EPB41L4A: variants seen among roughly 807,000 people sequenced by gnomAD.
EPB41L4A encodes band 4.1-like protein 4A.
Under a neutral mutation model 108.6 loss-of-function variants are expected in EPB41L4A, and 100 were observed. The observed-to-expected ratio is 0.92, with a 90% CI of 0.78 to 1.09. The LOEUF (loss-of-function observed/expected upper bound fraction) is 1.09. Ranked by LOEUF, EPB41L4A falls within the 50% of genes least tolerant of loss-of-function variation. The pLI, the probability that EPB41L4A is intolerant of heterozygous loss-of-function variation, is 0.00. For missense variants in EPB41L4A, 1,030 were observed against 842.7 expected (o/e 1.22, Z -2.75); for synonymous variants, 319 against 289.0 (o/e 1.10, Z -1.05).
At chr5:112,146,736 T>G (rs1160025728) in intron 12 of EPB41L4A, among the ~76,000 whole-genome samples, 1 of 152,174 alleles carries the variant, frequency 6.6e-6, no homozygotes, top group Non-Finnish European at 1.5e-5. Flanking sequence ...AATTTAACCC[T>G]CGTTGCTACT....
chr5:112,150,807 G>A (rs1397700568), intron 12 of EPB41L4A, among the ~76,000 whole-genome samples: 6 of 152,168 alleles, frequency 3.9e-5, no homozygotes, highest in Non-Finnish European at 7.3e-5. Flanking sequence ...AAAGTGCTGA[G>A]AGAATACAAC....
intron 16 of EPB41L4A, 101 bp downstream of exon 16, chr5:112,195,560 A>T (rs2416276): frequency 3.0e-6 from 3 of 1,005,526 alleles, no homozygotes; most frequent in East Asian, 2.6e-5. Context: ...AGTAAAAAAA[A>T]TAAAAAAAAA....
intron 12 of EPB41L4A, among the ~76,000 whole-genome samples, chr5:112,221,711 A>G (rs960652815): frequency 5.3e-5 from 8 of 152,198 alleles, no homozygotes; most frequent in Admixed American, 4.6e-4. Flanking sequence ...GGTGCCCAAT[A>G]AATTCTTGTT....
upstream of EPB41L4A, chr5:112,419,863 T>A (rs1762989541): frequency 2.2e-6 from 1 of 456,542 alleles, no homozygotes; most frequent in African/African-American, 2.0e-5. Context: ...AAGCTCTCCC[T>A]CCGGGAATGC....
intron 18 of EPB41L4A, among the ~76,000 whole-genome samples, chr5:112,173,112 G>C (rs1375215786): frequency 6.6e-6 from 1 of 152,218 alleles, no homozygotes; most frequent in Non-Finnish European, 1.5e-5. Flanking sequence ...TGGTTGGGTG[G>C]TGGAAGCCAA....
At chr5:112,253,040 G>A (rs1750802975) in intron 9 of EPB41L4A, among the ~76,000 whole-genome samples, 1 of 152,170 alleles carries the variant, frequency 6.6e-6, no homozygotes, top group South Asian at 2.1e-4. Context: ...CTTAGTAGAA[G>A]ACGATCAGGC....
At position 112,377,553 on chromosome 5, in the gene EPB41L4A, C is replaced by T. The variant is rs140074847; in HGVS notation, c.99+41388G>A. On this transcript the variant is annotated intron_variant, in intron 1 of 22. Coordinates refer to ENST00000261486, the MANE Select transcript of EPB41L4A (RefSeq NM_022140.5). ...GCCATTTTCAGCTCTACCATTTCAT[C>T]CATGATTCATGAGGCCCAGCAACTC... is the stretch of plus-strand genomic sequence containing the variant. Among the ~76,000 whole-genome samples, 358 of 152,302 alleles carry T rather than the reference C, an allele frequency of 2.4e-3. 1 individual carries two copies. Among genetic ancestry groups the T allele is most frequent in the African/African-American group, 7.9e-3 (330 of 41,562 alleles).
intron 1 of EPB41L4A, among the ~76,000 whole-genome samples, chr5:112,394,602 A>C (rs959655388): frequency 3.9e-5 from 6 of 152,226 alleles, no homozygotes; most frequent in South Asian, 2.1e-4. Context: ...GACACAAACA[A>C]ATGGAAGAAC....
At chr5:112,182,505 T>A (rs971146040) in intron 18 of EPB41L4A, among the ~76,000 whole-genome samples, 2 of 152,262 alleles carry the variant, frequency 1.3e-5, no homozygotes, top group African/African-American at 4.8e-5. Flanking sequence ...TTTCTAATTT[T>A]ATTTTACTTT....
chr5:112,285,996 G>C (rs1249496661), intron 2 of EPB41L4A, among the ~76,000 whole-genome samples: 1 of 151,866 alleles, frequency 6.6e-6, no homozygotes, highest in Non-Finnish European at 1.5e-5. Context: ...TTACACTCGG[G>C]CCAAGCTACT....
chr5:112,248,246 C>T (rs1750385923), intron 9 of EPB41L4A, among the ~76,000 whole-genome samples: 1 of 152,178 alleles, frequency 6.6e-6, no homozygotes, highest in African/African-American at 2.4e-5. Flanking sequence ...AATTCCACTG[C>T]CATGGCATTT....
At chr5:112,314,569 C>T (rs901978568) in intron 1 of EPB41L4A, among the ~76,000 whole-genome samples, 14 of 144,820 alleles carry the variant, frequency 9.7e-5, no homozygotes, top group East Asian at 2.1e-4. Context: ...TGATGGCAGG[C>T]GCCTGTGGTC....
intron 7 of EPB41L4A, 48 bp from the exon 8 acceptor site, chr5:112,260,027 CTT>C (rs1238004919): frequency 7.8e-7 from 1 of 1,285,842 alleles, no homozygotes; most frequent in East Asian, 2.3e-5. Context: ...CATAAAATCT[CTT>C]TGTCAAACTA....
chr5:112,252,954 T>G (rs1456289425), intron 9 of EPB41L4A, among the ~76,000 whole-genome samples: 1 of 152,174 alleles, frequency 6.6e-6, no homozygotes, highest in Non-Finnish European at 1.5e-5. Context: ...GTGCTCTTGT[T>G]TCAGTGGAAT....
intron 1 of EPB41L4A, among the ~76,000 whole-genome samples, chr5:112,368,284 T>C (rs1019085664): frequency 1.3e-5 from 2 of 152,150 alleles, no homozygotes; most frequent in African/African-American, 4.8e-5. Context: ...CCCCTTGCAC[T>C]TGAGAGCACG....
chr5:112,349,269 A>G (rs1757883590), intron 1 of EPB41L4A, among the ~76,000 whole-genome samples: 1 of 151,796 alleles, frequency 6.6e-6, no homozygotes, highest in Non-Finnish European at 1.5e-5. Flanking sequence ...TTTTTTTTTT[A>G]GGATAGGAGA....
intron 15 of EPB41L4A, among the ~76,000 whole-genome samples, chr5:112,195,932 G>A (rs559922702): frequency 2.6e-5 from 4 of 152,152 alleles, no homozygotes; most frequent in South Asian, 2.1e-4. Flanking sequence ...CCTGCAAACC[G>A]TCCGAATTCC....
chr5:112,265,226 A>G (rs1257181259), intron 5 of EPB41L4A, among the ~76,000 whole-genome samples: 1 of 152,222 alleles, frequency 6.6e-6, no homozygotes, highest in African/African-American at 2.4e-5. Flanking sequence ...GAAGTTCTTT[A>G]TTTTTGCATT....
intron 19 of EPB41L4A, among the ~76,000 whole-genome samples, chr5:112,170,726 C>A (rs1035574149): frequency 1.3e-5 from 2 of 152,124 alleles, no homozygotes; most frequent in Non-Finnish European, 2.9e-5. Flanking sequence ...AGAGGCGAGA[C>A]TAAATGACCC....
Sources: gnomAD v4.1 joint callset for allele counts (sites outside exome capture counted in the v4.1 genomes callset) on GRCh38, gnomAD v4.1.1 for gene constraint, MANE v1.5 for transcripts, NCBI Gene and HGNC (gene_info 2026-07-23, HGNC 2026-07-21) for gene names.